VASH2: variants seen among roughly 807,000 people sequenced by gnomAD.
The protein encoded by VASH2 is tubulinyl-Tyr carboxypeptidase 2.
A neutral mutation model predicts 37.2 loss-of-function variants in VASH2; 28 were observed. The ratio of observed to expected loss-of-function variants is 0.75; its 90% confidence interval spans 0.56 to 1.03. VASH2 has a LOEUF of 1.03. VASH2 is among the 50% of genes least tolerant of loss of function. VASH2 has a pLI of 0.00. For synonymous variants in VASH2, 188 were observed against 174.7 expected, an observed-to-expected ratio of 1.08 and a Z score of -0.60; for missense variants, 419 against 459.1, an observed-to-expected ratio of 0.91 and a Z score of 0.80.
chr1:212,953,448 G>T (rs1393644959), intron 2 of VASH2, among the ~76,000 whole-genome samples: 1 of 151,834 alleles, frequency 6.6e-6, no homozygotes, highest in East Asian at 2.0e-4. Flanking sequence ...CCTCCCACCC[G>T]CAAATCACAT....
At chr1:212,964,262 A>G (rs1462366285) in intron 3 of VASH2, among the ~76,000 whole-genome samples, 1 of 152,176 alleles carries the variant, frequency 6.6e-6, no homozygotes, top group African/African-American at 2.4e-5. Context: ...CTGAGTGACC[A>G]AGCACAGCTG....
At position 212,951,926 on chromosome 1, in the gene VASH2, T is replaced by G; in HGVS notation, c.276+108T>G. On this transcript the variant is annotated intron_variant, in intron 2 of 7. Transcript: ENST00000517399. This position sits in a 1 kb window ranked among gnomAD's most constrained non-coding sequence, Gnocchi z 4.4. Reference sequence around the variant, plus strand: ...CAGGCAATCTCCATTTTCCTAGTCCTGCTACAAACTCCCTTCCTCTCCCCA... The same window carrying G: ...CAGGCAATCTCCATTTTCCTAGTCCGGCTACAAACTCCCTTCCTCTCCCCA... 7.8e-7 allele frequency: 1 copy of G among 1,290,242 alleles called. No individual in the cohort carries two copies. The highest frequency in any genetic ancestry group is 1.1e-6 in the Non-Finnish European group (1 of 949,768). The allele number at this position is 1,290,242 out of a possible 1,614,324, so 79.9% of individuals were successfully genotyped here.
chr1:212,962,086 C>T (rs1484914385), intron 3 of VASH2, among the ~76,000 whole-genome samples: 1 of 152,152 alleles, frequency 6.6e-6, no homozygotes, highest in South Asian at 2.1e-4. Context: ...GGATTGGGGG[C>T]CCTCTCCCCC....
At chr1:212,953,229 G>GT (rs1666376736) in intron 2 of VASH2, among the ~76,000 whole-genome samples, 3 of 109,200 alleles carry the variant, frequency 2.7e-5, no homozygotes, top group Admixed American at 1.7e-4. Flanking sequence ...ATGCGGGTGC[G>GT]CGGGGGGGGG....
intron 3 of VASH2, among the ~76,000 whole-genome samples, chr1:212,962,176 C>T (rs1178471664): frequency 6.6e-6 from 1 of 152,190 alleles, no homozygotes; most frequent in East Asian, 1.9e-4. Context: ...CCTTTCTTCT[C>T]CGCATCCGCA....
At chr1:212,965,884 G>A (rs1666826101) in intron 4 of VASH2, 106 bp downstream of exon 4, 2 of 1,195,860 alleles carry the variant, frequency 1.7e-6, no homozygotes, top group Admixed American at 2.1e-5. Flanking sequence ...AGGTATCCTA[G>A]TCTGTAAGGG....
chr1:212,970,842 A>T (rs1288379119), intron 5 of VASH2, among the ~76,000 whole-genome samples: 2 of 151,832 alleles, frequency 1.3e-5, no homozygotes, highest in Non-Finnish European at 2.9e-5. Context: ...GTGAGCTGAG[A>T]TCGCACCACT....
intron 5 of VASH2, chr1:212,967,058 T>C: frequency 7.7e-7 from 1 of 1,293,900 alleles, no homozygotes; most frequent in African/African-American, 1.5e-5. Context: ...CAGGGAAAAT[T>C]CTAAGAGTGG....
rs544418666 is a variant in VASH2 at position 212,970,629 on chromosome 1, C to T, written c.498-1951C>T. Among the ~76,000 whole-genome samples the T allele has an allele frequency of 9.2e-5, 14 of 152,222 alleles. No individual in the cohort carries two copies. The South Asian group carries it at 1.0e-3, about 11-fold the overall frequency. ...TTCCGGCCAGGCGCAGTGGCTCATG[C>T]CTGTAATCCCAACACTTTGGGAGGC... On this transcript the variant is annotated intron_variant, in intron 5 of 7. Coordinates refer to ENST00000517399, the MANE Select transcript of VASH2 (RefSeq NM_001301056.2).
In VASH2 at chr1:212,976,139, T is replaced by C. The variant is rs3768557; in HGVS notation, c.995+2069T>C. Reference sequence around the variant, plus strand: ...GAGTTTGAGTTTGGATGATGGGATGTGGGGTGCATCTTCGGCATTGGGGGA... The same window carrying C: ...GAGTTTGAGTTTGGATGATGGGATGCGGGGTGCATCTTCGGCATTGGGGGA... On this transcript the variant is annotated intron_variant, in intron 7 of 7. Coordinates refer to ENST00000517399, the MANE Select transcript of VASH2 (RefSeq NM_001301056.2). Among the ~76,000 whole-genome samples the C allele has an allele frequency of 1.3e-4, 20 of 152,204 alleles. No individual in the cohort carries two copies. In the East Asian group the frequency reaches 3.9e-3, roughly 29 times the overall value.
chr1:212,951,739 TGTGGATGCAC>T lies in VASH2; in HGVS notation c.202_211del (p.Met68ProfsTer35). The T allele has an allele frequency of 1.2e-6, 2 of 1,607,996 alleles. No individual in the cohort carries two copies. Among genetic ancestry groups the T allele is most frequent in the East Asian group, 4.5e-5 (2 of 44,652 alleles). On this transcript the variant is annotated frameshift_variant, in exon 2 of 8. Transcript: ENST00000517399. LOFTEE classifies it high-confidence loss of function. The surrounding 1 kb of genome is among the most constrained non-coding windows in gnomAD (Gnocchi z 4.4). ...ATCGACAGCCACACCTGGGAGCGCA[TGTGGATGCAC>T]GTGGCCAAGGTGCACCCTAAGGGGG...
intron 7 of VASH2, among the ~76,000 whole-genome samples, chr1:212,975,339 A>C (rs1667138249): frequency 6.6e-6 from 1 of 152,238 alleles, no homozygotes; most frequent in Admixed American, 6.5e-5. Flanking sequence ...CCTTGGTGAC[A>C]ATGGCTGTCG....
chr1:212,952,398 C>G (rs1050207459), intron 2 of VASH2: 1 of 151,994 alleles, frequency 6.6e-6, no homozygotes, highest in Non-Finnish European at 1.5e-5. Flanking sequence ...CTGAAACTTG[C>G]AAAACGGTGA....
rs116795924 is a variant in VASH2, at chr1:212,968,869, T to C, written c.497+2524T>C. 1.1e-3 allele frequency: 1,119 copies of C among 985,452 alleles called. 14 individuals carry two copies. In the African/African-American group the frequency reaches 0.018, roughly 16 times the overall value. The allele number at this position is 985,452 out of a possible 1,614,324, so 61.0% of individuals were successfully genotyped here. A position where few individuals can be genotyped will look rare whatever the true frequency, so the allele number is the denominator to read the frequency against. ...AGACAAGCTAACTTCAGACTCTTTG[T>C]TGAGGGGTGTCTGAGTGCCTCTGGA... On this transcript the variant is annotated intron_variant, in intron 5 of 7. Transcript: ENST00000517399.
At chr1:212,987,917 T>C (rs1667529884) in intron 7 of VASH2, among the ~76,000 whole-genome samples, 1 of 152,242 alleles carries the variant, frequency 6.6e-6, no homozygotes, top group South Asian at 2.1e-4. Flanking sequence ...AATTGCTTAG[T>C]TGTAGTTTTA....
intron 7 of VASH2, among the ~76,000 whole-genome samples, chr1:212,987,902 T>C (rs1293642326): frequency 1.3e-5 from 2 of 152,168 alleles, no homozygotes; most frequent in East Asian, 3.9e-4. Context: ...CACATGACTT[T>C]GCATAATTGC....
intron 3 of VASH2, chr1:212,961,471 T>G: frequency 1.1e-6 from 1 of 950,498 alleles, no homozygotes; most frequent in Non-Finnish European, 1.5e-6. Context: ...CCTTGAGCCC[T>G]TCTGCTTCTC....
chr1:212,973,871 G>C, intron 6 of VASH2, 84 bp from the exon 7 acceptor site: 1 of 1,520,924 alleles, frequency 6.6e-7, no homozygotes, highest in Non-Finnish European at 8.9e-7. Flanking sequence ...ATTGGGCTGG[G>C]GGGTGGAATG....
rs180937008 is a variant in VASH2, at chr1:212,958,282, G to A, written c.277-2884G>A. 6.0e-3 allele frequency among the ~76,000 whole-genome samples: 914 copies of A among 152,280 alleles called. 5 individuals carry two copies. Among genetic ancestry groups the A allele is most frequent in the Non-Finnish European group, 9.6e-3 (656 of 68,018 alleles). On this transcript the variant is annotated intron_variant, in intron 2 of 7. Coordinates refer to ENST00000517399, the MANE Select transcript of VASH2 (RefSeq NM_001301056.2). ...AGCCTATGACATCATTCCCTCTGTGGTCTCTGCGCCTCCCCGCCACTGCCC... is the reference window on the plus strand; with the variant it reads ...AGCCTATGACATCATTCCCTCTGTGATCTCTGCGCCTCCCCGCCACTGCCC...
Sources: gnomAD v4.1 joint callset for allele counts (sites outside exome capture counted in the v4.1 genomes callset) on GRCh38, gnomAD v4.1.1 for gene constraint, Gnocchi (gnomAD v3.1) non-coding constraint, MANE v1.5 for transcripts, NCBI Gene and HGNC (gene_info 2026-07-23, HGNC 2026-07-21) for gene names.